The following PPP4R3B variants were observed in gnomAD, a reference collection of about 807,000 sequenced individuals.
PPP4R3B encodes the protein protein phosphatase 4 regulatory subunit 3B, also known as serine/threonine-protein phosphatase 4 regulatory subunit 3B.
In PPP4R3B, 52 loss-of-function variants were observed where a neutral mutation model predicts 95.4. The observed-to-expected ratio is 0.54, with a 90% CI of 0.44 to 0.69. The LOEUF is 0.69. Among genes scored for constraint, PPP4R3B ranks in the 30% least tolerant of loss-of-function variants. PPP4R3B has a pLI of 0.00. For synonymous variants in PPP4R3B, 407 were observed against 343.9 expected (o/e 1.18, Z -2.03); for missense variants, 1,003 against 1,005.9 (o/e 1.00, Z 0.04).
chr2:55,604,073 T>A lies in PPP4R3B; in HGVS notation c.202A>T (p.Thr68Ser), dbSNP rs112084716. 1 of 1,596,522 alleles carries A rather than the reference T, an allele frequency of 6.3e-7. No homozygotes were observed. The highest frequency in any genetic ancestry group is 8.5e-7 in the Non-Finnish European group (1 of 1,172,984). Residue 68 changes from threonine to serine, a missense_variant, in exon 3 of 17, where the codon ACA becomes TCA. Transcript: ENST00000616407. The stretch of plus-strand genomic sequence containing the variant: ...TCTGCTTCTGACCAAACAATTAATG[T>A]ATCCTGTTTAAAAATAAATATTTCC... Reference protein sequence around the residue: ...PNTAYQKQQDTLIVWSEAENY... With the variant: ...PNTAYQKQQDSLIVWSEAENY...
intron 2 of PPP4R3B, among the ~76,000 whole-genome samples, chr2:55,605,502 G>C (rs1455862934): frequency 6.6e-6 from 1 of 152,106 alleles, no homozygotes; most frequent in Non-Finnish European, 1.5e-5. Context: ...TGTGTAATCA[G>C]GTAAAAATAG....
intron 4 of PPP4R3B, among the ~76,000 whole-genome samples, chr2:55,594,892 G>A (rs1691549159): frequency 6.6e-6 from 1 of 152,098 alleles, no homozygotes; most frequent in Non-Finnish European, 1.5e-5. Flanking sequence ...TGAAAGAAAA[G>A]TAAATCCTAT....
In PPP4R3B at chr2:55,551,174, C is replaced by G. The variant is rs533556728; in HGVS notation, c.2455-1168G>C. Reference sequence around the variant, plus strand: ...TTCAAAACCAGCCTGGCCAACATAGCAAAACCCTATCTCTACCAAAAATAC... The same window carrying G: ...TTCAAAACCAGCCTGGCCAACATAGGAAAACCCTATCTCTACCAAAAATAC... On this transcript the variant is annotated intron_variant, in intron 16 of 16. Transcript: ENST00000616407. 1.6e-3 allele frequency among the ~76,000 whole-genome samples: 244 copies of G among 151,932 alleles called. 2 individuals carry two copies. In the Middle Eastern group the frequency reaches 0.024, roughly 15 times the overall value.
chr2:55,573,885 CCTTTT>C, intron 11 of PPP4R3B, 108 bp from the exon 12 acceptor site: 1 of 479,472 alleles, frequency 2.1e-6, no homozygotes, highest in Non-Finnish European at 3.1e-6. Flanking sequence ...TGTATTTCCT[CCTTTT>C]TTTTTTTTTT....
intron 9 of PPP4R3B, 88 bp from the exon 10 acceptor site, chr2:55,578,430 A>G: frequency 8.7e-7 from 1 of 1,147,116 alleles, no homozygotes. Flanking sequence ...TATTTCTGTA[A>G]GCTGGAAGTG....
chr2:55,572,267 A>G (rs1688108284), intron 12 of PPP4R3B, among the ~76,000 whole-genome samples: 1 of 152,232 alleles, frequency 6.6e-6, no homozygotes, highest in African/African-American at 2.4e-5. Context: ...CATAAAAGGA[A>G]AAGAAAGACA....
At chr2:55,586,272 C>T (rs1011131485) in intron 6 of PPP4R3B, among the ~76,000 whole-genome samples, 15 of 151,964 alleles carry the variant, frequency 9.9e-5, no homozygotes, top group African/African-American at 3.4e-4. Context: ...AGAACCATGC[C>T]CTAACCCTGT....
At chr2:55,599,402 C>A (rs779148598) in intron 3 of PPP4R3B, among the ~76,000 whole-genome samples, 9 of 152,212 alleles carry the variant, frequency 5.9e-5, no homozygotes, top group South Asian at 2.1e-4. Flanking sequence ...CGCACCACTG[C>A]ACTCCAGCCT....
rs1389249194 is a variant in PPP4R3B at position 55,617,011 on chromosome 2, G to C, written c.142+133C>G. ...AAAAGTACAGTACTTTGTTTTTGCC[G>C]TACACAAGAGCCAGTTCAGAACCAA... On this transcript the variant is annotated intron_variant, in intron 1 of 16. Coordinates refer to ENST00000616407, the MANE Select transcript of PPP4R3B (RefSeq NM_001122964.3). The C allele has an allele frequency of 5.6e-5, 57 of 1,016,456 alleles. 1 individual carries two copies. The highest frequency in any genetic ancestry group is 7.7e-5 in the Non-Finnish European group (54 of 704,886). 63.0% of individuals were successfully genotyped at this position (1,016,456 alleles called of 1,614,324 possible).
chr2:55,599,128 A>G, intron 3 of PPP4R3B, 89 bp from the exon 4 acceptor site: 1 of 1,195,046 alleles, frequency 8.4e-7, no homozygotes, highest in Non-Finnish European at 1.1e-6. Flanking sequence ...ATGCCTGGCT[A>G]GTCACTACTA....
intron 5 of PPP4R3B, among the ~76,000 whole-genome samples, chr2:55,587,139 A>G (rs1690252579): frequency 6.6e-6 from 1 of 152,258 alleles, no homozygotes; most frequent in African/African-American, 2.4e-5. Flanking sequence ...TTTGGCTATA[A>G]AAGGCAAATG....
intron 11 of PPP4R3B, among the ~76,000 whole-genome samples, 169 bp downstream of exon 11, chr2:55,577,142 CTCGT>C (rs1440759517): frequency 5.9e-5 from 9 of 152,114 alleles, no homozygotes; most frequent in African/African-American, 1.2e-4. Context: ...AGAATTCCAA[CTCGT>C]TTTCTATTTT....
At chr2:55,581,256 AAAT>A (rs930761811) in intron 8 of PPP4R3B, among the ~76,000 whole-genome samples, 3 of 152,198 alleles carry the variant, frequency 2.0e-5, no homozygotes, top group Admixed American at 1.3e-4. Context: ...TGTCTCAAAA[AAAT>A]AATAATAATT....
intron 7 of PPP4R3B, among the ~76,000 whole-genome samples, chr2:55,584,585 A>C (rs1236214536): frequency 6.6e-6 from 1 of 152,188 alleles, no homozygotes; most frequent in Non-Finnish European, 1.5e-5. Flanking sequence ...TTATGAGTTG[A>C]GAACATACGA....
intron 11 of PPP4R3B, 130 bp from the exon 12 acceptor site, chr2:55,573,907 G>C (rs74417825): frequency 2.9e-6 from 1 of 342,726 alleles, no homozygotes; most frequent in Non-Finnish European, 4.4e-6. Context: ...TTTTTTTTTT[G>C]AGACAAAGTC....
At position 55,598,796 on chromosome 2, in the gene PPP4R3B, C is replaced by G; in HGVS notation, c.541G>C (p.Ala181Pro). The change falls in exon 4 of 17, where the codon GCT becomes CCT. Residue 181 changes from alanine to proline, a missense_variant. By Grantham distance (27) the Ala-to-Pro change is conservative. Transcript: ENST00000616407. Reference protein sequence around the residue: ...YIKKLLQLFQACENLENTEGL... With the variant: ...YIKKLLQLFQPCENLENTEGL... ...TCAGTGTTTTCTAGGTTCTCGCAAG[C>G]TTGGAACAGCTGCAATAGTTTTTTA... 6.2e-7 allele frequency: 1 copy of G among 1,614,184 alleles called. No homozygotes were observed. The highest frequency in any genetic ancestry group is 8.5e-7 in the Non-Finnish European group (1 of 1,180,026).
At position 55,548,724 on chromosome 2, in the gene PPP4R3B, G is replaced by C. The variant is rs1442869368; in HGVS notation, c.*1187C>G. 6.6e-6 allele frequency: 1 copy of C among 152,586 alleles called. No homozygotes were observed. Among genetic ancestry groups the C allele is most frequent in the Non-Finnish European group, 1.5e-5 (1 of 68,028 alleles). The allele number at this position is 152,586 out of a possible 1,614,324, so 9.5% of individuals were successfully genotyped here. On this transcript the variant is annotated 3_prime_UTR_variant, in exon 17 of 17. Transcript: ENST00000616407. ...CCAATGCATTAAATTGTATTTTGGG[G>C]AGATTTTTCTCACTTCGGCATGATC...
chr2:55,596,783 T>G (rs1691836087), intron 4 of PPP4R3B, among the ~76,000 whole-genome samples: 1 of 151,784 alleles, frequency 6.6e-6, no homozygotes, highest in Admixed American at 6.6e-5. Context: ...GCCAACATGG[T>G]GAAACCCTGT....
At position 55,568,277 on chromosome 2, in the gene PPP4R3B, C is replaced by T; in HGVS notation, c.1852G>A (p.Val618Ile). The T allele has an allele frequency of 1.2e-6, 2 of 1,610,992 alleles. No individual in the cohort carries two copies. The highest frequency in any genetic ancestry group is 1.1e-5 in the South Asian group (1 of 90,446). The change falls in exon 13 of 17, where the codon GTT becomes ATT. Residue 618 changes from valine to isoleucine, a missense_variant. Physicochemically the swap from Val to Ile is conservative, Grantham distance 29. Around this residue, in one of 3 missense-constraint regions of PPP4R3B, gnomAD observed 79 missense variants for 124.9 expected, o/e 0.63. Coordinates refer to ENST00000616407, the MANE Select transcript of PPP4R3B (RefSeq NM_001122964.3). ...CCATTATCCAGAAGTGCATTTATAA[C>T]TGGCTCAAAAAGATTTCCCTTGGTG... is the stretch of plus-strand genomic sequence containing the variant. ...YITKGNLFEP[V>I]INALLDNGTR...
Sources: gnomAD v4.1 joint callset for allele counts (sites outside exome capture counted in the v4.1 genomes callset) on GRCh38, gnomAD v4.1.1 for gene constraint, gnomAD v4.1.1 regional missense constraint, MANE v1.5 for transcripts, NCBI Gene and HGNC (gene_info 2026-07-23, HGNC 2026-07-21) for gene names.